Variants in PCDH15 observed in about 807,000 individuals in gnomAD.
PCDH15 encodes the protein protocadherin-15.
PCDH15 carries 129 observed loss-of-function variants against 178.5 expected under a neutral mutation model. The observed-to-expected ratio is 0.72, with a 90% CI of 0.63 to 0.84. The LOEUF (loss-of-function observed/expected upper bound fraction) is 0.84, where lower values mean the gene tolerates loss of function less well. Among genes scored for constraint, PCDH15 ranks in the 40% least tolerant of loss-of-function variants. The pLI is 0.00. For synonymous variants in PCDH15, 800 were observed against 732.0 expected, an observed-to-expected ratio of 1.09 and a Z score of -1.50; for missense variants, 2,230 against 2,099.9, an observed-to-expected ratio of 1.06 and a Z score of -1.21.
At chr10:54,172,234 G>T (rs530660234) in intron 13 of PCDH15, among the ~76,000 whole-genome samples, 53 of 152,154 alleles carry the variant, frequency 3.5e-4, no homozygotes, top group African/African-American at 1.2e-3. Flanking sequence ...CTTAAGTGAT[G>T]ACTTTACCTT....
At chr10:54,926,060 T>A (rs564375390) in intron 2 of PCDH15, among the ~76,000 whole-genome samples, 2 of 152,290 alleles carry the variant, frequency 1.3e-5, no homozygotes, top group South Asian at 4.1e-4. Context: ...TCTTTGCCTA[T>A]TCAGTATGAT....
intron 2 of PCDH15, among the ~76,000 whole-genome samples, chr10:54,918,323 T>C (rs1837398133): frequency 1.3e-5 from 2 of 149,364 alleles, no homozygotes; most frequent in African/African-American, 2.6e-5. Context: ...CAAGAAGTTA[T>C]AGAAAAAAAA....
chr10:55,589,575 G>A lies in PCDH15; in HGVS notation c.-156+38050C>T, dbSNP rs1235996828. Reference sequence around the variant, plus strand: ...TCGCAACCTACTCATCTGACAAAGGGCTAATATCCAGAATCTACAATGAAC... The same window carrying A: ...TCGCAACCTACTCATCTGACAAAGGACTAATATCCAGAATCTACAATGAAC... On this transcript the variant is annotated intron_variant, in intron 2 of 5. Transcript: ENST00000613346. Among the ~76,000 whole-genome samples the A allele has an allele frequency of 3.9e-5, 6 of 152,056 alleles. No individual in the cohort carries two copies. The East Asian group carries it at 1.2e-3, about 29-fold the overall frequency.
At chr10:55,076,763 CCT>C (rs1491436590) in intron 2 of PCDH15, among the ~76,000 whole-genome samples, 11 of 141,216 alleles carry the variant, frequency 7.8e-5, no homozygotes, top group Admixed American at 2.1e-4. Flanking sequence ...TGGCCTGTGA[CCT>C]TTTTTTTTTT....
At chr10:55,349,893 G>A (rs1170848619) in intron 2 of PCDH15, among the ~76,000 whole-genome samples, 2 of 151,720 alleles carry the variant, frequency 1.3e-5, no homozygotes, top group African/African-American at 4.8e-5. Context: ...ACTCATGGAG[G>A]GAGATTCCAA....
chr10:54,824,064 A>G (rs1034154868), intron 3 of PCDH15, among the ~76,000 whole-genome samples: 1 of 152,144 alleles, frequency 6.6e-6, no homozygotes, highest in Non-Finnish European at 1.5e-5. Flanking sequence ...AAAGTTTCTA[A>G]GGCAAACCTT....
At chr10:54,052,026 G>T (rs909943930) in intron 18 of PCDH15, among the ~76,000 whole-genome samples, 1 of 152,222 alleles carries the variant, frequency 6.6e-6, no homozygotes, top group Non-Finnish European at 1.5e-5. Flanking sequence ...AAGAATTGAG[G>T]TTTGGAAACC....
chr10:54,838,595 C>G (rs931877479), intron 3 of PCDH15, among the ~76,000 whole-genome samples: 2 of 152,134 alleles, frequency 1.3e-5, no homozygotes, highest in Admixed American at 6.6e-5. Flanking sequence ...AGGAGACATG[C>G]TTATTTGTGT....
At chr10:54,947,139 T>C (rs997898946) in intron 2 of PCDH15, among the ~76,000 whole-genome samples, 5 of 151,842 alleles carry the variant, frequency 3.3e-5, no homozygotes, top group African/African-American at 1.2e-4. Context: ...TATTGAGCAA[T>C]AGAAAAAATA....
At chr10:55,374,545 A>T (rs1282975339) in intron 2 of PCDH15, among the ~76,000 whole-genome samples, 1 of 152,126 alleles carries the variant, frequency 6.6e-6, no homozygotes, top group Non-Finnish European at 1.5e-5. Flanking sequence ...ATAGCTTCCC[A>T]TGACATACTC....
chr10:55,339,701 G>A (rs1399144632), intron 2 of PCDH15, among the ~76,000 whole-genome samples: 1 of 152,090 alleles, frequency 6.6e-6, no homozygotes, highest in Non-Finnish European at 1.5e-5. Flanking sequence ...CTGATTGACA[G>A]TCCAGACTAT....
intron 3 of PCDH15, among the ~76,000 whole-genome samples, chr10:54,515,494 C>T (rs7087399): frequency 1.8e-4 from 28 of 152,176 alleles, no homozygotes; most frequent in African/African-American, 5.1e-4. Flanking sequence ...AACTGGAACT[C>T]GGTGGAGCCC....
chr10:54,256,503 G>A (rs982634569), intron 8 of PCDH15, among the ~76,000 whole-genome samples: 1 of 152,106 alleles, frequency 6.6e-6, no homozygotes, highest in South Asian at 2.1e-4. Flanking sequence ...CAATTCTACT[G>A]TTATAGAACC....
chr10:53,964,043 G>A (rs1373874781), intron 21 of PCDH15, among the ~76,000 whole-genome samples: 1 of 151,910 alleles, frequency 6.6e-6, no homozygotes, highest in African/African-American at 2.4e-5. Context: ...CATTTTCCTT[G>A]TTCCTGCCTC....
intron 2 of PCDH15, among the ~76,000 whole-genome samples, chr10:55,567,468 G>T (rs914520555): frequency 6.6e-6 from 1 of 150,894 alleles, no homozygotes; most frequent in Non-Finnish European, 1.5e-5. Flanking sequence ...AAAAATGCAT[G>T]CATCAAAAGA....
chr10:54,183,109 G>A (rs769996307), intron 13 of PCDH15, among the ~76,000 whole-genome samples: 27 of 152,038 alleles, frequency 1.8e-4, no homozygotes, highest in Non-Finnish European at 2.2e-4. Context: ...AGCCTCCTGA[G>A]TAGCTGGGAT....
chr10:55,046,830 C>G (rs759508781), intron 2 of PCDH15, among the ~76,000 whole-genome samples: 69 of 151,916 alleles, frequency 4.5e-4, no homozygotes, highest in Non-Finnish European at 6.3e-4. Context: ...TCATCACCTT[C>G]CTAAAAAATC....
In PCDH15 at chr10:53,827,516, A is replaced by C. The variant is rs750721333; in HGVS notation, c.4244T>G (p.Ile1415Ser). The C allele has an allele frequency of 3.1e-6, 5 of 1,614,094 alleles. No individual in the cohort carries two copies. The South Asian group carries it at 4.4e-5, about 14-fold the overall frequency. Residue 1415 changes from isoleucine to serine, a missense_variant, in exon 32 of 38, where the codon ATT (isoleucine) becomes AGT (serine). Coordinates refer to ENST00000644397, the MANE Select transcript of PCDH15 (RefSeq NM_001384140.1). ...TTTAGCCGCGGGTAATGCGGCCTGA[A>C]TTCGTGCAGTCTTTGTACACTCAGC... ...RQAECTKTARIQAALPAAKPA... is the reference protein window; with the variant it reads ...RQAECTKTARSQAALPAAKPA...
At chr10:55,554,622 C>T (rs911472900) in intron 2 of PCDH15, among the ~76,000 whole-genome samples, 1 of 151,796 alleles carries the variant, frequency 6.6e-6, no homozygotes, top group Non-Finnish European at 1.5e-5. Context: ...ATATGGGGGG[C>T]CAAATATTCC....
Sources: allele counts gnomAD v4.1 joint callset (sites outside exome capture counted in the v4.1 genomes callset), GRCh38; gene constraint gnomAD v4.1.1; transcripts MANE v1.5; gene names NCBI Gene and HGNC (gene_info 2026-07-23, HGNC 2026-07-21).